Variants in MUSK observed in about 807,000 individuals in gnomAD.
MUSK encodes muscle associated receptor tyrosine kinase.
Under a neutral mutation model 88.7 loss-of-function variants are expected in MUSK, and 55 were observed. The ratio of observed to expected loss-of-function variants is 0.62; its 90% CI spans 0.50 to 0.78. The LOEUF is 0.78. Among genes scored for constraint, MUSK ranks in the 30% least tolerant of loss-of-function variants. The pLI is 0.00. For missense variants in MUSK, 1,015 were observed against 1,074.3 expected (o/e 0.94, Z 0.77); for synonymous variants, 387 against 391.9 (o/e 0.99, Z 0.15).
rs863223335 is a variant in MUSK at position 110,668,943 on chromosome 9, T to TA, written c.40dup (p.Thr14AsnfsTer9). The TA allele has an allele frequency of 1.2e-5, 19 of 1,613,864 alleles. No individual in the cohort carries two copies. The highest frequency in any genetic ancestry group is 1.2e-5 in the Non-Finnish European group (14 of 1,179,746). ...TCAACATTCCACTGGTACATATTCT[T>TA]ACTCTGGTTGCCTTCAGCGGAACTG... On this transcript the variant is annotated frameshift_variant, in exon 1 of 15. Transcript: ENST00000374448. LOFTEE classifies it high-confidence loss of function.
intron 3 of MUSK, among the ~76,000 whole-genome samples, chr9:110,694,399 A>AC (rs1258583178): frequency 7.2e-6 from 1 of 139,572 alleles, no homozygotes. Flanking sequence ...AAAAAAAAAA[A>AC]AAAAAAACAA....
intron 5 of MUSK, among the ~76,000 whole-genome samples, chr9:110,732,212 C>T (rs894253017): frequency 6.6e-6 from 1 of 151,978 alleles, no homozygotes; most frequent in Non-Finnish European, 1.5e-5. Context: ...GATTCTCGGG[C>T]AGTGGGATCC....
At chr9:110,735,913 AG>A (rs1006202570) in intron 6 of MUSK, among the ~76,000 whole-genome samples, 1 of 152,088 alleles carries the variant, frequency 6.6e-6, no homozygotes, top group Admixed American at 6.6e-5. Context: ...AACAGCACTG[AG>A]GGGATGGTGT....
intron 5 of MUSK, among the ~76,000 whole-genome samples, chr9:110,709,388 T>C (rs2076640418): frequency 6.6e-6 from 1 of 152,188 alleles, no homozygotes; most frequent in Non-Finnish European, 1.5e-5. Flanking sequence ...GTAAACTTCT[T>C]GAGTCCAAAT....
At chr9:110,681,465 G>A (rs904999889) in intron 1 of MUSK, among the ~76,000 whole-genome samples, 9 of 151,602 alleles carry the variant, frequency 5.9e-5, no homozygotes, top group African/African-American at 2.2e-4. Flanking sequence ...AATTGAGTGT[G>A]GGTCAAAGAC....
rs534630729 is a variant in MUSK at position 110,681,919 on chromosome 9, A to G, written c.80-755A>G. On this transcript the variant is annotated intron_variant, in intron 1 of 14. Transcript: ENST00000374448. ...CTGAAGGGACCATATAATTTACTGT[A>G]TAAATGCAGGTAGCCCTCATTTCAC... is the stretch of plus-strand genomic sequence containing the variant. 5.9e-5 allele frequency among the ~76,000 whole-genome samples: 9 copies of G among 152,250 alleles called. No homozygotes were observed. In the East Asian group the frequency reaches 1.7e-3, roughly 29 times the overall value.
chr9:110,689,349 AAT>A (rs1266684793), intron 3 of MUSK, among the ~76,000 whole-genome samples: 86 of 118,384 alleles, frequency 7.3e-4, no homozygotes, highest in Non-Finnish European at 7.3e-4. Context: ...TAAATATATA[AAT>A]ATATATAAAT....
At chr9:110,701,905 T>C (rs1052334085) in intron 5 of MUSK, among the ~76,000 whole-genome samples, 1 of 128,534 alleles carries the variant, frequency 7.8e-6, no homozygotes. Context: ...TTTTATTTTA[T>C]TTTATTTTAT....
At chr9:110,700,380 T>C (rs1214702198) in intron 5 of MUSK, among the ~76,000 whole-genome samples, 1 of 152,146 alleles carries the variant, frequency 6.6e-6, no homozygotes, top group Non-Finnish European at 1.5e-5. Flanking sequence ...TACTGTCTGT[T>C]CTATTAAAGA....
chr9:110,672,512 C>A (rs1587872596), intron 1 of MUSK, among the ~76,000 whole-genome samples: 2 of 152,032 alleles, frequency 1.3e-5, no homozygotes, highest in East Asian at 3.9e-4. Flanking sequence ...GTCAGTACAG[C>A]TAAAGAACTA....
chr9:110,752,200 C>G (rs2077256869), intron 7 of MUSK, among the ~76,000 whole-genome samples: 3 of 152,142 alleles, frequency 2.0e-5, no homozygotes, highest in Non-Finnish European at 4.4e-5. Context: ...CCTCTTTGAC[C>G]TGCTCTTGTG....
At chr9:110,746,791 G>A (rs772358591) in intron 6 of MUSK, among the ~76,000 whole-genome samples, 13 of 152,104 alleles carry the variant, frequency 8.5e-5, no homozygotes, top group Non-Finnish European at 1.2e-4. Flanking sequence ...GGATGTTTTC[G>A]GTGACCTTGA....
At position 110,787,972 on chromosome 9, in the gene MUSK, T is replaced by C. The variant is rs145530928; in HGVS notation, c.1927+134T>C. Reference sequence around the variant, plus strand: ...TCAGTTCCTTTTCAAATTTAGCTTCTTCACCTTGGTCTATCCCAACCCTAT... The same window carrying C: ...TCAGTTCCTTTTCAAATTTAGCTTCCTCACCTTGGTCTATCCCAACCCTAT... On this transcript the variant is annotated intron_variant, in intron 14 of 14. Coordinates refer to ENST00000374448, the MANE Select transcript of MUSK (RefSeq NM_005592.4). 1,545 of 995,938 alleles carry C rather than the reference T, an allele frequency of 1.6e-3. 18 individuals carry two copies. In the African/African-American group the frequency reaches 0.022, roughly 14 times the overall value. 61.7% of individuals were successfully genotyped at this position (995,938 alleles called of 1,614,324 possible). A position where few individuals can be genotyped will look rare whatever the true frequency, so the allele number is the denominator to read the frequency against.
chr9:110,768,946 TTTAA>T (rs1400977716), intron 9 of MUSK, among the ~76,000 whole-genome samples: 2 of 152,232 alleles, frequency 1.3e-5, no homozygotes, highest in African/African-American at 2.4e-5. Context: ...TATCTTCATC[TTTAA>T]TTACTTCTTA....
chr9:110,747,499 A>G, intron 6 of MUSK, 142 bp from the exon 7 acceptor site: 1 of 776,532 alleles, frequency 1.3e-6, no homozygotes, highest in Non-Finnish European at 2.0e-6. Flanking sequence ...GCATGGACAC[A>G]GGGAGGGAAA....
chr9:110,689,702 A>AATATACATATATTTT lies in MUSK; in HGVS notation c.358+2439_358+2440insCATATATTTTATATA, dbSNP rs2076272095. Among the ~76,000 whole-genome samples the AATATACATATATTTT allele has an allele frequency of 9.7e-5, 4 of 41,346 alleles. 1 individual carries two copies. The highest frequency in any genetic ancestry group is 6.5e-4 in the African/African-American group (3 of 4,648). The allele number at this position is 41,346 out of a possible 152,430, so 27.1% of individuals were successfully genotyped here. ...ATATAACTATATATAGTTATATATA[A>AATATACATATATTTT]ATATATAACTATATATGTTATATAT... On this transcript the variant is annotated intron_variant, in intron 3 of 14. Transcript: ENST00000374448.
chr9:110,723,466 CAG>C (rs201687622), intron 5 of MUSK, among the ~76,000 whole-genome samples: 11,231 of 151,940 alleles, frequency 0.074, 510 homozygotes, highest in Non-Finnish European at 0.1. Flanking sequence ...TTTGGGGACT[CAG>C]GGGAAAAGAG....
At chr9:110,759,690 C>T (rs888661832) in intron 7 of MUSK, among the ~76,000 whole-genome samples, 6 of 152,192 alleles carry the variant, frequency 3.9e-5, no homozygotes, top group African/African-American at 1.4e-4. Context: ...GAAAAGAAGA[C>T]ATACATGCAG....
chr9:110,689,810 C>CTATATATTTAAATATATAAATATG (rs1194818121), intron 3 of MUSK, among the ~76,000 whole-genome samples: 1 of 76,644 alleles, frequency 1.3e-5, no homozygotes. Context: ...TAATATATAA[C>CTATATATTTAAATATATAAATATG]TATATATTTA....
Sources: gnomAD v4.1 joint callset for allele counts (sites outside exome capture counted in the v4.1 genomes callset) on GRCh38, gnomAD v4.1.1 for gene constraint, MANE v1.5 for transcripts, NCBI Gene and HGNC (gene_info 2026-07-23, HGNC 2026-07-21) for gene names.